Variants in MYO16 observed in about 807,000 individuals in gnomAD.
MYO16 encodes the protein unconventional myosin-XVI.
MYO16 carries 94 observed loss-of-function variants against 205.3 expected under a neutral mutation model. That is an observed-to-expected ratio of 0.46 (90% CI 0.39 to 0.54). The LOEUF (loss-of-function observed/expected upper bound fraction) is 0.54, where lower values mean the gene tolerates loss of function less well. MYO16 is among the 20% of genes least tolerant of loss of function. The pLI, the probability that MYO16 is intolerant of heterozygous loss-of-function variation, is 0.00. For missense variants in MYO16, 2,315 were observed against 2,387.5 expected (o/e 0.97, Z 0.63); for synonymous variants, 988 against 954.0 (o/e 1.04, Z -0.66).
At chr13:108,738,605 T>C (rs1255525892) in intron 4 of MYO16, among the ~76,000 whole-genome samples, 1 of 152,212 alleles carries the variant, frequency 6.6e-6, no homozygotes. Flanking sequence ...GAGAAGAATG[T>C]ATATTCTGTT....
chr13:108,654,885 G>C (rs1881174038), intron 1 of MYO16, among the ~76,000 whole-genome samples: 1 of 152,198 alleles, frequency 6.6e-6, no homozygotes, highest in Non-Finnish European at 1.5e-5. Flanking sequence ...GAACTTGATA[G>C]AGATGATTTA....
At chr13:108,886,446 C>T (rs1009761842) in intron 13 of MYO16, 6 of 456,036 alleles carry the variant, frequency 1.3e-5, no homozygotes, top group Admixed American at 7.1e-5. Flanking sequence ...AAAAATGAGG[C>T]GTGCGGACAC....
chr13:108,535,624 T>C, the MYO16 span, among the ~76,000 whole-genome samples: 1 of 152,188 alleles, frequency 6.6e-6, no homozygotes, highest in Non-Finnish European at 1.5e-5. Context: ...CTGTGGAAAA[T>C]TTCATTCATC....
intron 15 of MYO16, among the ~76,000 whole-genome samples, chr13:108,908,198 C>T (rs1280112069): frequency 6.6e-6 from 1 of 152,174 alleles, no homozygotes; most frequent in African/African-American, 2.4e-5. Flanking sequence ...CCACACCACC[C>T]CCATTCTAAT....
intron 10 of MYO16, among the ~76,000 whole-genome samples, chr13:108,845,419 TTGACTGAAGGTGCAGGG>T (rs1877468668): frequency 6.6e-6 from 1 of 152,034 alleles, no homozygotes; most frequent in South Asian, 2.1e-4. Flanking sequence ...AAGGTGCAGG[TTGACTGAAGGTGCAGGG>T]TGCCTTCCCA....
At chr13:109,194,365 A>C (rs1056367853) in intron 34 of MYO16, among the ~76,000 whole-genome samples, 5 of 152,128 alleles carry the variant, frequency 3.3e-5, no homozygotes, top group Admixed American at 2.6e-4. Context: ...TGACTCTACC[A>C]CTTTCTAGCC....
intron 20 of MYO16, among the ~76,000 whole-genome samples, chr13:108,981,766 G>A (rs3843685): frequency 0.61 from 92,438 of 152,130 alleles, 30,054 homozygotes; most frequent in South Asian, 0.81. Flanking sequence ...GTTTTGTGGT[G>A]CTTGGTTATC....
intron 27 of MYO16, among the ~76,000 whole-genome samples, chr13:109,065,939 A>G (rs1455184731): frequency 6.6e-6 from 1 of 152,182 alleles, no homozygotes; most frequent in African/African-American, 2.4e-5. Flanking sequence ...TTGTCAATGA[A>G]AGCACCAGAG....
chr13:108,849,253 C>A (rs1877694795), intron 10 of MYO16, among the ~76,000 whole-genome samples: 2 of 152,086 alleles, frequency 1.3e-5, no homozygotes, highest in African/African-American at 4.8e-5. Flanking sequence ...TACAATGGTG[C>A]CATCTCAGCT....
At chr13:108,621,621 G>A (rs1879545427) in intron 1 of MYO16, among the ~76,000 whole-genome samples, 4 of 152,012 alleles carry the variant, frequency 2.6e-5, no homozygotes, top group Non-Finnish European at 4.4e-5. Context: ...TCCAGTCATC[G>A]ACATTGTCGT....
chr13:108,843,855 T>C (rs1366880778), intron 9 of MYO16, among the ~76,000 whole-genome samples: 1 of 152,190 alleles, frequency 6.6e-6, no homozygotes, highest in Non-Finnish European at 1.5e-5. Flanking sequence ...TCCTTAAAGA[T>C]ATTATTATTT....
chr13:109,098,606 C>A (rs778471028), intron 27 of MYO16, among the ~76,000 whole-genome samples: 69 of 152,138 alleles, frequency 4.5e-4, no homozygotes, highest in Non-Finnish European at 9.1e-4. Flanking sequence ...TTGTAGTTTT[C>A]CGTGCATCTC....
the MYO16 span, among the ~76,000 whole-genome samples, chr13:108,583,070 GA>G: frequency 6.6e-6 from 1 of 152,092 alleles, no homozygotes; most frequent in South Asian, 2.1e-4. Flanking sequence ...CTATCAAAGA[GA>G]AATAATATTT....
intron 7 of MYO16, among the ~76,000 whole-genome samples, chr13:108,818,378 C>A (rs960114456): frequency 2.1e-5 from 1 of 48,352 alleles, no homozygotes; most frequent in African/African-American, 3.8e-5. Flanking sequence ...AGTGAAACAA[C>A]GTCTCAAAAA....
intron 28 of MYO16, among the ~76,000 whole-genome samples, chr13:109,113,109 T>C (rs1875488823): frequency 6.6e-6 from 1 of 152,220 alleles, no homozygotes; most frequent in East Asian, 1.9e-4. Flanking sequence ...ATTCCCACTT[T>C]GGATCAGAAA....
the MYO16 span, among the ~76,000 whole-genome samples, chr13:108,548,168 C>A: frequency 6.6e-6 from 1 of 150,492 alleles, no homozygotes; most frequent in South Asian, 2.1e-4. Context: ...AATTAGTTTA[C>A]AAGTGTACCA....
At chr13:108,691,198 T>C (rs1004637901) in intron 2 of MYO16, among the ~76,000 whole-genome samples, 1 of 152,184 alleles carries the variant, frequency 6.6e-6, no homozygotes, top group African/African-American at 2.4e-5. Context: ...TATATGCTTA[T>C]GTAGCCTAAG....
At chr13:109,108,147 A>G (rs1320184405) in intron 28 of MYO16, among the ~76,000 whole-genome samples, 1 of 152,192 alleles carries the variant, frequency 6.6e-6, no homozygotes, top group Admixed American at 6.5e-5. Context: ...TCCTGAGGAC[A>G]GGTGTCATGT....
intron 2 of MYO16, among the ~76,000 whole-genome samples, chr13:108,701,634 T>G (rs1176576958): frequency 6.6e-6 from 1 of 152,100 alleles, no homozygotes; most frequent in Non-Finnish European, 1.5e-5. Flanking sequence ...CTAAAAAACA[T>G]AGTTGTCAAC....
Sources: gnomAD v4.1 joint callset for allele counts (sites outside exome capture counted in the v4.1 genomes callset) on GRCh38, gnomAD v4.1.1 for gene constraint, MANE v1.5 for transcripts, NCBI Gene and HGNC (gene_info 2026-07-23, HGNC 2026-07-21) for gene names.